Variants in ANKRD33B observed in about 807,000 individuals in gnomAD.
ANKRD33B encodes the protein ankyrin repeat domain-containing protein 33B.
A neutral mutation model predicts 21.5 loss-of-function variants in ANKRD33B; 6 were observed. The ratio of observed to expected loss-of-function variants is 0.28; its 90% CI spans 0.15 to 0.55. ANKRD33B has a LOEUF of 0.55. Among genes scored for constraint, ANKRD33B ranks in the 20% least tolerant of loss-of-function variants. The pLI is 0.94. For missense variants in ANKRD33B, 698 were observed against 747.2 expected, an observed-to-expected ratio of 0.93 and a Z score of 0.77; for synonymous variants, 347 against 342.4, an observed-to-expected ratio of 1.01 and a Z score of -0.15.
chr5:10,657,232 C>T lies in ANKRD33B; in HGVS notation c.*7119C>T, dbSNP rs986857098. ...TCCGACTGAATTTGAAAATAATACC[C>T]CATTCAGATGAACATTAAAAGCCAA... On this transcript the variant is annotated 3_prime_UTR_variant, in exon 4 of 4. Coordinates refer to ENST00000296657, the MANE Select transcript of ANKRD33B (RefSeq NM_001164440.2). 1 of 152,328 alleles carries T rather than the reference C, an allele frequency of 6.6e-6. No individual in the cohort carries two copies. Among genetic ancestry groups the T allele is most frequent in the Non-Finnish European group, 1.5e-5 (1 of 68,034 alleles). The allele number at this position is 152,328 out of a possible 1,614,324, so 9.4% of individuals were successfully genotyped here.
intron 2 of ANKRD33B, among the ~76,000 whole-genome samples, chr5:10,636,380 G>A (rs1267215597): frequency 1.2e-4 from 18 of 152,314 alleles, no homozygotes; most frequent in Admixed American, 5.9e-4. Context: ...GGGAGGCTGA[G>A]GCAGGAGAAC....
At chr5:10,620,729 G>C (rs1478858043) in intron 2 of ANKRD33B, among the ~76,000 whole-genome samples, 1 of 152,214 alleles carries the variant, frequency 6.6e-6, no homozygotes, top group African/African-American at 2.4e-5. Flanking sequence ...CATTGGCCAT[G>C]ATATGTCCTT....
intron 2 of ANKRD33B, among the ~76,000 whole-genome samples, chr5:10,626,376 C>T (rs73036547): frequency 0.02 from 2,990 of 152,328 alleles, 95 homozygotes; most frequent in African/African-American, 0.068. Context: ...TCTCCTTTCC[C>T]CTGAGTGTCC....
chr5:10,604,190 C>CT (rs374461177), intron 1 of ANKRD33B, among the ~76,000 whole-genome samples: 45,697 of 99,258 alleles, frequency 0.46, 12,057 homozygotes, highest in East Asian at 0.66. Context: ...CCGCGCCTGG[C>CT]TTTTTTTTTT....
chr5:10,618,568 C>T, intron 2 of ANKRD33B, 106 bp downstream of exon 2: 1 of 1,388,894 alleles, frequency 7.2e-7, no homozygotes, highest in South Asian at 1.5e-5. Flanking sequence ...TGATCAGAGA[C>T]CATGTCCTGC....
chr5:10,578,929 T>C (rs1398253305), intron 1 of ANKRD33B, among the ~76,000 whole-genome samples: 1 of 152,114 alleles, frequency 6.6e-6, no homozygotes, highest in Non-Finnish European at 1.5e-5. Context: ...TTGGAGGGGC[T>C]GAGGTGGGTG....
rs534436313 is a variant in ANKRD33B at position 10,638,922 on chromosome 5, C to T, written c.637+754C>T. Among the ~76,000 whole-genome samples the T allele has an allele frequency of 2.7e-4, 38 of 143,252 alleles. 2 individuals carry two copies. Among genetic ancestry groups the T allele is most frequent in the African/African-American group, 8.4e-4 (33 of 39,114 alleles). The allele number at this position is 143,252 out of a possible 152,430, so 94.0% of individuals were successfully genotyped here. A position where few individuals can be genotyped will look rare whatever the true frequency, so the allele number is the denominator to read the frequency against. On this transcript the variant is annotated intron_variant, in intron 3 of 3. Coordinates refer to ENST00000296657, the MANE Select transcript of ANKRD33B (RefSeq NM_001164440.2). ...GTTGTGTGGTAATGTTAGCGGGTGA[C>T]GCGGAGTTGCGCGGCGATATTAGCG... is the stretch of plus-strand genomic sequence containing the variant.
At chr5:10,615,959 G>A (rs893460200) in intron 1 of ANKRD33B, among the ~76,000 whole-genome samples, 32 of 152,198 alleles carry the variant, frequency 2.1e-4, no homozygotes, top group African/African-American at 7.5e-4. Context: ...TTTAAGTAGA[G>A]CCTGCCTGCA....
chr5:10,628,815 C>T (rs922924053), intron 2 of ANKRD33B, among the ~76,000 whole-genome samples: 1 of 152,056 alleles, frequency 6.6e-6, no homozygotes, highest in Admixed American at 6.5e-5. Context: ...TGCATGGGAA[C>T]GTGGACGATG....
At chr5:10,566,092 C>T (rs571693750) in intron 1 of ANKRD33B, among the ~76,000 whole-genome samples, 55 of 152,294 alleles carry the variant, frequency 3.6e-4, no homozygotes, top group African/African-American at 9.4e-4. Flanking sequence ...TCCCACAACA[C>T]GTGGGAATTC....
At chr5:10,616,956 C>T (rs576133170) in intron 1 of ANKRD33B, among the ~76,000 whole-genome samples, 9 of 152,316 alleles carry the variant, frequency 5.9e-5, no homozygotes, top group South Asian at 4.1e-4. Flanking sequence ...AGGATCAGGG[C>T]GCTAGCATGG....
chr5:10,584,225 A>C (rs1250598718), intron 1 of ANKRD33B, among the ~76,000 whole-genome samples: 1 of 152,208 alleles, frequency 6.6e-6, no homozygotes, highest in African/African-American at 2.4e-5. Flanking sequence ...TCAAGCAGGC[A>C]CTTTCTCTGT....
At chr5:10,588,873 A>G (rs1208578228) in intron 1 of ANKRD33B, among the ~76,000 whole-genome samples, 3 of 152,196 alleles carry the variant, frequency 2.0e-5, no homozygotes, top group Admixed American at 2.0e-4. Context: ...CTGAGTGCAT[A>G]TTAGCTAGTG....
intron 2 of ANKRD33B, among the ~76,000 whole-genome samples, chr5:10,634,465 C>T (rs11744092): frequency 0.41 from 58,917 of 142,174 alleles, 12,348 homozygotes; most frequent in Middle Eastern, 0.55. Flanking sequence ...AGATTTTTTT[C>T]TTTTTTTTTT....
At chr5:10,594,073 G>C (rs184907392) in intron 1 of ANKRD33B, among the ~76,000 whole-genome samples, 137 of 152,184 alleles carry the variant, frequency 9.0e-4, no homozygotes, top group Admixed American at 1.6e-3. Flanking sequence ...CCAAGGGCAG[G>C]AATTCTCTTC....
chr5:10,591,900 A>G (rs1365798863), intron 1 of ANKRD33B, among the ~76,000 whole-genome samples: 5 of 152,122 alleles, frequency 3.3e-5, no homozygotes, highest in African/African-American at 7.2e-5. Flanking sequence ...ATAAGGGAAT[A>G]TTGTATTTAT....
At chr5:10,618,110 G>A (rs577358211) in intron 1 of ANKRD33B, among the ~76,000 whole-genome samples, 86 of 152,308 alleles carry the variant, frequency 5.6e-4, no homozygotes, top group Non-Finnish European at 1.0e-3. Flanking sequence ...GTTCACTGAT[G>A]TTTTCACGTC....
intron 1 of ANKRD33B, among the ~76,000 whole-genome samples, chr5:10,596,744 A>G (rs906626418): frequency 2.0e-5 from 3 of 152,184 alleles, no homozygotes; most frequent in African/African-American, 7.2e-5. Flanking sequence ...ACACATCATC[A>G]TCAGATTCTC....
chr5:10,618,957 G>T (rs764684653), intron 2 of ANKRD33B, among the ~76,000 whole-genome samples: 1 of 152,184 alleles, frequency 6.6e-6, no homozygotes, highest in Non-Finnish European at 1.5e-5. Context: ...GATGAAGTCA[G>T]TGGGAGCATC....
Sources: allele counts gnomAD v4.1 joint callset (sites outside exome capture counted in the v4.1 genomes callset), GRCh38; gene constraint gnomAD v4.1.1; transcripts MANE v1.5; gene names NCBI Gene and HGNC (gene_info 2026-07-23, HGNC 2026-07-21).